Variants in FSTL3 observed in about 807,000 individuals in gnomAD.
FSTL3 encodes the protein follistatin like 3.
Under a neutral mutation model 28.1 loss-of-function variants are expected in FSTL3, and 21 were observed. The observed-to-expected ratio is 0.75, with a 90% CI of 0.53 to 1.08. The LOEUF is 1.08. Ranked by LOEUF, FSTL3 falls within the 50% of genes least tolerant of loss-of-function variation. The pLI is 0.00. For missense variants in FSTL3, 400 were observed against 380.9 expected (o/e 1.05, Z -0.42); for synonymous variants, 199 against 164.2 (o/e 1.21, Z -1.62).
chr19:677,239 C>A (rs914867072), intron 1 of FSTL3, among the ~76,000 whole-genome samples: 2 of 152,168 alleles, frequency 1.3e-5, no homozygotes, highest in Non-Finnish European at 2.9e-5. Context: ...CAGCCCTGCG[C>A]CAAAGGGAGA....
At position 682,142 on chromosome 19, in the gene FSTL3, TA is replaced by T. The variant is rs1271256654; in HGVS notation, c.*435del. 7 of 369,248 alleles carry T rather than the reference TA, an allele frequency of 1.9e-5. No individual in the cohort carries two copies. The highest frequency in any genetic ancestry group is 1.4e-4 in the African/African-American group (7 of 49,678). The allele number at this position is 369,248 out of a possible 1,614,324, so 22.9% of individuals were successfully genotyped here. A position where few individuals can be genotyped will look rare whatever the true frequency, so the allele number is the denominator to read the frequency against. On this transcript the variant is annotated 3_prime_UTR_variant, in exon 5 of 5. Coordinates refer to ENST00000166139, the MANE Select transcript of FSTL3 (RefSeq NM_005860.3). ...CTAGTCTGGGTGTGTACGGAGGGTCTAGCCTGGGTGTGTACGGAGGGTCTAG... is the reference window on the plus strand; with the variant it reads ...CTAGTCTGGGTGTGTACGGAGGGTCTGCCTGGGTGTGTACGGAGGGTCTAG...
In FSTL3 at chr19:680,502, G is replaced by A; in HGVS notation, c.505+13G>A. ...GGCCGCTGCCGCAGTACGTGGGGGC[G>A]TGGTCTGTGGAGGGGCGGGGCGGGA... On this transcript the variant is annotated intron_variant, in intron 3 of 4. Coordinates refer to ENST00000166139, the MANE Select transcript of FSTL3 (RefSeq NM_005860.3). The A allele has an allele frequency of 8.1e-7, 1 of 1,233,370 alleles. No individual in the cohort carries two copies. The highest frequency in any genetic ancestry group is 1.0e-6 in the Non-Finnish European group (1 of 985,910). The allele number at this position is 1,233,370 out of a possible 1,614,324, so 76.4% of individuals were successfully genotyped here.
chr19:678,022 C>T, intron 2 of FSTL3, 45 bp downstream of exon 2: 1 of 1,569,082 alleles, frequency 6.4e-7, no homozygotes, highest in Non-Finnish European at 8.7e-7. Flanking sequence ...CAGCTCAGGA[C>T]CAGCCACAAA....
At position 677,984 on chromosome 19, in the gene FSTL3, C is replaced by T; in HGVS notation, c.289+7C>T. ...CACTGCCTTCCCTGCAAAGGTGAGA[C>T]CTCAGGCCAGAAGCAGGGCAGACGT... On this transcript the variant is annotated splice_region_variant and intron_variant, in intron 2 of 4. Coordinates refer to ENST00000166139, the MANE Select transcript of FSTL3 (RefSeq NM_005860.3). The T allele has an allele frequency of 6.2e-7, 1 of 1,611,634 alleles. No individual in the cohort carries two copies. The highest frequency in any genetic ancestry group is 8.5e-7 in the Non-Finnish European group (1 of 1,179,080).
chr19:680,654 C>A, intron 3 of FSTL3, 165 bp downstream of exon 3: 1 of 369,028 alleles, frequency 2.7e-6, no homozygotes, highest in Non-Finnish European at 4.5e-6. Flanking sequence ...GAGGGCCAGG[C>A]CTGCGGGGGC....
intron 2 of FSTL3, 161 bp downstream of exon 2, chr19:678,138 C>T: frequency 6.0e-6 from 4 of 664,792 alleles, no homozygotes; most frequent in South Asian, 5.9e-5. Context: ...GGGGGGACTT[C>T]CCGGTTCCCA....
chr19:680,093 C>G (rs925513786), intron 2 of FSTL3, 181 bp from the exon 3 acceptor site: 2 of 330,200 alleles, frequency 6.1e-6, no homozygotes, highest in African/African-American at 2.2e-5. Context: ...GTCCCGCGCC[C>G]GGACCCTGAG....
intron 3 of FSTL3, chr19:680,803 G>C: frequency 3.5e-6 from 1 of 288,824 alleles, no homozygotes; most frequent in East Asian, 5.9e-5. Context: ...TTCCGAGGGA[G>C]TATCACGGGG....
intron 2 of FSTL3, among the ~76,000 whole-genome samples, chr19:679,845 T>G (rs1181509579): frequency 6.6e-6 from 1 of 151,986 alleles, no homozygotes; most frequent in Non-Finnish European, 1.5e-5. Flanking sequence ...AGCCCCAGAC[T>G]CGCGCCTGGC....
rs879522660 is a variant in FSTL3 at position 680,974 on chromosome 19, C to G, written c.506-359C>G. ...TGGAACCAGGGGGGTGAGACTGGGT[C>G]ATGTAAGGGGCGGGGCTCTTGGCTG... On this transcript the variant is annotated intron_variant, in intron 3 of 4. Coordinates refer to ENST00000166139, the MANE Select transcript of FSTL3 (RefSeq NM_005860.3). 1,216 of 307,528 alleles carry G rather than the reference C, an allele frequency of 4.0e-3. 5 individuals are homozygous for G. The highest frequency in any genetic ancestry group is 5.8e-3 in the Admixed American group (116 of 19,842). The allele number at this position is 307,528 out of a possible 1,614,324, so 19.0% of individuals were successfully genotyped here.
At chr19:677,368 G>A (rs114460678) in intron 1 of FSTL3, among the ~76,000 whole-genome samples, 3,174 of 151,976 alleles carry the variant, frequency 0.021, 122 homozygotes, top group African/African-American at 0.073. Flanking sequence ...TGCCAGGCGC[G>A]GGGCTCCGCG....
Position 676,544 on chromosome 19 carries a change from A to T in FSTL3, c.103+18A>T, listed in dbSNP as rs1046660302. On this transcript the variant is annotated intron_variant, in intron 1 of 4. Transcript: ENST00000166139. ...CGCGCCCGGTGAGTGGGGCGGCCAG[A>T]GGGGCGGGCGGGGCGGGCCACCCAC... 12 of 489,410 alleles carry T rather than the reference A, an allele frequency of 2.5e-5. No individual in the cohort carries two copies. Among genetic ancestry groups the T allele is most frequent in the Non-Finnish European group, 2.9e-5 (11 of 376,888 alleles). 30.3% of individuals were successfully genotyped at this position (489,410 alleles called of 1,614,324 possible). A position where few individuals can be genotyped will look rare whatever the true frequency, so the allele number is the denominator to read the frequency against.
chr19:681,804 T>G lies in FSTL3; in HGVS notation c.*96T>G, dbSNP rs2031342492. The G allele has an allele frequency of 1.8e-6, 2 of 1,093,114 alleles. No homozygotes were observed. Among genetic ancestry groups the G allele is most frequent in the East Asian group, 5.2e-5 (2 of 38,534 alleles). 67.7% of individuals were successfully genotyped at this position (1,093,114 alleles called of 1,614,324 possible). A position where few individuals can be genotyped will look rare whatever the true frequency, so the allele number is the denominator to read the frequency against. Reference sequence around the variant, plus strand: ...AGTCTAATTTATATGCCACGGACACTCCTTAGAGCCCGGATTCGGACCACT... The same window carrying G: ...AGTCTAATTTATATGCCACGGACACGCCTTAGAGCCCGGATTCGGACCACT... On this transcript the variant is annotated 3_prime_UTR_variant, in exon 5 of 5. Coordinates refer to ENST00000166139, the MANE Select transcript of FSTL3 (RefSeq NM_005860.3).
rs1600661728 is a variant in FSTL3, at chr19:681,946, C to G, written c.*238C>G. ...CGGACACTGAGCGCCTGATTTAGGG[C>G]CCTTCTCTAGGATGCCCCAGCCCCT... On this transcript the variant is annotated 3_prime_UTR_variant, in exon 5 of 5. Transcript: ENST00000166139. 1 of 585,276 alleles carries G rather than the reference C, an allele frequency of 1.7e-6. No individual in the cohort carries two copies. Among genetic ancestry groups the G allele is most frequent in the East Asian group, 2.8e-5 (1 of 35,394 alleles). 36.3% of individuals were successfully genotyped at this position (585,276 alleles called of 1,614,324 possible).
At chr19:680,562 T>A (rs919736457) in intron 3 of FSTL3, 73 bp downstream of exon 3, 13 of 554,598 alleles carry the variant, frequency 2.3e-5, no homozygotes, top group Non-Finnish European at 3.0e-5. Flanking sequence ...TCGAGGCTGC[T>A]GCCGCAGTAG....
At chr19:678,522 TTTTC>T (rs1600658730) in intron 2 of FSTL3, among the ~76,000 whole-genome samples, 1 of 135,076 alleles carries the variant, frequency 7.4e-6, no homozygotes, top group East Asian at 2.3e-4. Context: ...TTTTTTTTTT[TTTTC>T]CTGAGATGGA....
In FSTL3 at chr19:681,745, C is replaced by G. The variant is rs546075799; in HGVS notation, c.*37C>G. The G allele has an allele frequency of 3.9e-5, 58 of 1,487,266 alleles. No homozygotes were observed. In the South Asian group the frequency reaches 6.4e-4, roughly 16 times the overall value. 92.1% of individuals were successfully genotyped at this position (1,487,266 alleles called of 1,614,324 possible). On this transcript the variant is annotated 3_prime_UTR_variant, in exon 5 of 5. Transcript: ENST00000166139. ...AGGCCTGGGCCTGGTGCCCGAGGCC[C>G]CCCATCATCCCCTGTTATTTATTGC...
chr19:676,629 G>T (rs970908035), intron 1 of FSTL3, 103 bp downstream of exon 1: 11 of 334,726 alleles, frequency 3.3e-5, no homozygotes, highest in Admixed American at 1.6e-4. Context: ...GGCGGCGGGG[G>T]CGAGGGCGGT....
At chr19:678,273 C>G (rs1418099046) in intron 2 of FSTL3, among the ~76,000 whole-genome samples, 1 of 152,240 alleles carries the variant, frequency 6.6e-6, no homozygotes, top group African/African-American at 2.4e-5. Context: ...TTGCACCTAG[C>G]TCCTGGGAAG....
Sources: allele counts gnomAD v4.1 joint callset (sites outside exome capture counted in the v4.1 genomes callset), GRCh38; gene constraint gnomAD v4.1.1; transcripts MANE v1.5; gene names NCBI Gene and HGNC (gene_info 2026-07-23, HGNC 2026-07-21).